Variants in MTMR12 observed in about 807,000 individuals in gnomAD.
MTMR12 encodes myotubularin related protein 12.
Under a neutral mutation model 96.7 loss-of-function variants are expected in MTMR12, and 33 were observed. The ratio of observed to expected loss-of-function variants is 0.34; its 90% CI spans 0.26 to 0.46. The LOEUF is 0.46. Among genes scored for constraint, MTMR12 ranks in the 20% least tolerant of loss-of-function variants. The pLI, the probability that MTMR12 is intolerant of heterozygous loss-of-function variation, is 1.00. For missense variants in MTMR12, 721 were observed against 896.1 expected (o/e 0.80, Z 2.49); for synonymous variants, 298 against 327.2 (o/e 0.91, Z 0.96).
At chr5:32,247,399 T>C (rs946444615) in intron 10 of MTMR12, among the ~76,000 whole-genome samples, 2 of 152,070 alleles carry the variant, frequency 1.3e-5, no homozygotes, top group Non-Finnish European at 2.9e-5. Context: ...GCATGACAAA[T>C]CTCAGAGCGT....
At chr5:32,237,474 G>C (rs2111989853) in intron 13 of MTMR12, among the ~76,000 whole-genome samples, 1 of 152,122 alleles carries the variant, frequency 6.6e-6, no homozygotes, top group East Asian at 1.9e-4. Context: ...CTACCACTAA[G>C]GCCCTGGTAA....
At chr5:32,253,203 C>T (rs1010825758) in intron 8 of MTMR12, among the ~76,000 whole-genome samples, 3 of 152,096 alleles carry the variant, frequency 2.0e-5, no homozygotes, top group African/African-American at 7.2e-5. Flanking sequence ...ACAATAACAG[C>T]CCCCCACAAC....
intron 1 of MTMR12, among the ~76,000 whole-genome samples, chr5:32,300,561 CATGCACCCCA>C (rs892839284): frequency 6.6e-6 from 1 of 152,166 alleles, no homozygotes; most frequent in Non-Finnish European, 1.5e-5. Flanking sequence ...GGGCCTCTCT[CATGCACCCCA>C]GAGCTCCCAT....
At chr5:32,232,227 C>CA (rs1331780746) in intron 15 of MTMR12, among the ~76,000 whole-genome samples, 4 of 152,238 alleles carry the variant, frequency 2.6e-5, no homozygotes, top group African/African-American at 9.6e-5. Context: ...CCTGCTTCCT[C>CA]AGAGTCTCTG....
In MTMR12 at chr5:32,276,701, T is replaced by C. The variant is rs763792019; in HGVS notation, c.123A>G (p.Val41=). ...AGTTACCTGGCAACAAGTGAAGAGT[T>C]ACTTCCTTCTCTGTTACTTCCTTTT... ...TNEKEVTEKE[V]TLHLLPGEQL... The change falls in exon 2 of 16, where the codon GTA becomes GTG. Residue 41 remains valine (V), a synonymous_variant. Coordinates refer to ENST00000382142, the MANE Select transcript of MTMR12 (RefSeq NM_001040446.3). The C allele has an allele frequency of 6.2e-7, 1 of 1,613,800 alleles. No homozygotes were observed. The highest frequency in any genetic ancestry group is 1.7e-5 in the Admixed American group (1 of 59,986).
At chr5:32,288,349 A>T (rs1213562809) in intron 1 of MTMR12, among the ~76,000 whole-genome samples, 2 of 152,104 alleles carry the variant, frequency 1.3e-5, no homozygotes, top group East Asian at 1.9e-4. Flanking sequence ...CCTTTGTCTG[A>T]GATAAACTCT....
rs527706788 is a variant in MTMR12, at chr5:32,295,067, G to C, written c.81+17691C>G. 1.4e-4 allele frequency among the ~76,000 whole-genome samples: 21 copies of C among 152,274 alleles called. No homozygotes were observed. In the South Asian group the frequency reaches 4.1e-3, roughly 30 times the overall value. The stretch of plus-strand genomic sequence containing the variant: ...TGAATCCATCTACTATCCAGCTGTA[G>C]GAAGCTAAAAACCAAAACAGGATTT... On this transcript the variant is annotated intron_variant, in intron 1 of 15. Coordinates refer to ENST00000382142, the MANE Select transcript of MTMR12 (RefSeq NM_001040446.3).
chr5:32,259,612 C>A (rs1011626227), intron 7 of MTMR12, among the ~76,000 whole-genome samples: 1 of 152,198 alleles, frequency 6.6e-6, no homozygotes, highest in Non-Finnish European at 1.5e-5. Context: ...TGCAGAAACT[C>A]ACATTAACCA....
At chr5:32,289,211 C>T (rs553525108) in intron 1 of MTMR12, among the ~76,000 whole-genome samples, 2 of 152,324 alleles carry the variant, frequency 1.3e-5, no homozygotes, top group East Asian at 3.9e-4. Context: ...ATTAATCATG[C>T]TGTTCCTAGA....
At chr5:32,286,519 CAAA>C (rs1373403332) in intron 1 of MTMR12, among the ~76,000 whole-genome samples, 2 of 131,092 alleles carry the variant, frequency 1.5e-5, no homozygotes, top group Non-Finnish European at 3.3e-5. Context: ...GACCCTGTCT[CAAA>C]AAAAAAAAAG....
At chr5:32,255,910 G>A in intron 7 of MTMR12, 142 bp from the exon 8 acceptor site, 1 of 652,582 alleles carries the variant, frequency 1.5e-6, no homozygotes, top group Non-Finnish European at 2.6e-6. Context: ...CAGCTCAGAG[G>A]AACTGCTGCT....
chr5:32,241,072 T>C (rs1047369897), intron 12 of MTMR12, among the ~76,000 whole-genome samples: 2 of 152,212 alleles, frequency 1.3e-5, no homozygotes, highest in African/African-American at 4.8e-5. Context: ...CAAATTTCAC[T>C]CTATGCAACT....
chr5:32,301,024 G>A (rs1023392586), intron 1 of MTMR12, among the ~76,000 whole-genome samples: 1 of 152,068 alleles, frequency 6.6e-6, no homozygotes, highest in Non-Finnish European at 1.5e-5. Context: ...GCAGTGAGCC[G>A]AGATCTCGCC....
chr5:32,230,446 T>C (rs1747952615), intron 15 of MTMR12, 99 bp from the exon 16 acceptor site: 1 of 1,164,504 alleles, frequency 8.6e-7, no homozygotes, highest in Non-Finnish European at 1.2e-6. Flanking sequence ...CTTTAACAAG[T>C]TCCAAGAGAC....
intron 1 of MTMR12, among the ~76,000 whole-genome samples, chr5:32,309,947 G>A (rs145450610): frequency 6.6e-6 from 1 of 152,292 alleles, no homozygotes; most frequent in Non-Finnish European, 1.5e-5. Flanking sequence ...AGAACAGTAC[G>A]GAGGTTCCTC....
At position 32,260,072 on chromosome 5, in the gene MTMR12, A is replaced by G. The variant is rs546940887; in HGVS notation, c.713+3041T>C. 4.4e-3 allele frequency among the ~76,000 whole-genome samples: 648 copies of G among 148,430 alleles called. 16 individuals carry two copies. The highest frequency in any genetic ancestry group is 0.015 in the African/African-American group (622 of 40,458). On this transcript the variant is annotated intron_variant, in intron 7 of 15. Transcript: ENST00000382142. Reference sequence around the variant, plus strand: ...AAAAAAAAAAGCGGTACCTGGGGTAAGATCCGACTGATGAAGTGGAGTTAA... The same window carrying G: ...AAAAAAAAAAGCGGTACCTGGGGTAGGATCCGACTGATGAAGTGGAGTTAA...
In MTMR12 at chr5:32,248,692, T is replaced by TA. The variant is rs1415100922; in HGVS notation, c.896+79dup. On this transcript the variant is annotated intron_variant, in intron 9 of 15. Transcript: ENST00000382142. ...TAAGCTACCAGTAGGTAAACAGAAA[T>TA]AGACATACTACTAAGAGCTGTTCCC... The TA allele has an allele frequency of 9.7e-5, 104 of 1,068,216 alleles. No homozygotes were observed. The East Asian group carries it at 2.5e-3, about 26-fold the overall frequency. The allele number at this position is 1,068,216 out of a possible 1,614,324, so 66.2% of individuals were successfully genotyped here. A position where few individuals can be genotyped will look rare whatever the true frequency, so the allele number is the denominator to read the frequency against.
chr5:32,255,717 C>T lies in MTMR12; in HGVS notation c.765G>A (p.Gln255=). 6.2e-7 allele frequency: 1 copy of T among 1,612,682 alleles called. No individual in the cohort carries two copies. The highest frequency in any genetic ancestry group is 1.1e-5 in the South Asian group (1 of 90,524). The part of the protein sequence containing the change: ...VPTPLPEENV[Q]RFQGHGIPIW... Reference sequence around the variant, plus strand: ...CTGGTATGCCATGACCCTGAAAGCGCTGCACATTCTCTTCAGGAAGAGGGG... The same window carrying T: ...CTGGTATGCCATGACCCTGAAAGCGTTGCACATTCTCTTCAGGAAGAGGGG... Residue 255 remains glutamine, a synonymous_variant, in exon 8 of 16, where the codon CAG becomes CAA. Transcript: ENST00000382142.
At chr5:32,301,478 G>A (rs371128473) in intron 1 of MTMR12, among the ~76,000 whole-genome samples, 1 of 152,228 alleles carries the variant, frequency 6.6e-6, no homozygotes, top group Non-Finnish European at 1.5e-5. Flanking sequence ...CTTCTTCCAA[G>A]GACAGGGACA....
Sources: gnomAD v4.1 joint callset for allele counts (sites outside exome capture counted in the v4.1 genomes callset) on GRCh38, gnomAD v4.1.1 for gene constraint, MANE v1.5 for transcripts, NCBI Gene and HGNC (gene_info 2026-07-23, HGNC 2026-07-21) for gene names.